PTPRO: variants seen among roughly 807,000 people sequenced by gnomAD.
PTPRO encodes the protein receptor-type tyrosine-protein phosphatase O.
PTPRO carries 62 observed loss-of-function variants against 145.2 expected under a neutral mutation model. The ratio of observed to expected loss-of-function variants is 0.43; its 90% CI spans 0.35 to 0.53. The LOEUF is 0.53. PTPRO is among the 20% of genes least tolerant of loss of function. The pLI is 0.01. For missense variants in PTPRO, 1,345 were observed against 1,482.7 expected, an observed-to-expected ratio of 0.91 and a Z score of 1.53; for synonymous variants, 565 against 514.7, an observed-to-expected ratio of 1.10 and a Z score of -1.32.
chr12:15,483,823 C>A, intron 1 of PTPRO, 151 bp from the exon 2 acceptor site: 1 of 742,802 alleles, frequency 1.3e-6, no homozygotes, highest in South Asian at 1.8e-5. Flanking sequence ...ACTAAAATAC[C>A]TATGTAACTC....
chr12:15,349,268 G>C (rs1348381870), intron 1 of PTPRO, among the ~76,000 whole-genome samples: 1 of 152,190 alleles, frequency 6.6e-6, no homozygotes, highest in Non-Finnish European at 1.5e-5. Context: ...CAATTGGCTA[G>C]ATGGGGGTAC....
chr12:15,499,710 T>C, intron 4 of PTPRO, 116 bp downstream of exon 4: 7 of 1,210,786 alleles, frequency 5.8e-6, no homozygotes, highest in Non-Finnish European at 7.1e-6. Context: ...AAAATATATA[T>C]GTTTAATAAC....
chr12:15,595,133 A>G (rs769396952), intron 26 of PTPRO, 76 bp downstream of exon 26: 325 of 929,844 alleles, frequency 3.5e-4, no homozygotes, highest in Non-Finnish European at 3.3e-4. Flanking sequence ...GGGACAAAAG[A>G]CAGCAGTAGC....
intron 1 of PTPRO, among the ~76,000 whole-genome samples, chr12:15,401,655 TA>T (rs1213554242): frequency 6.6e-6 from 1 of 152,200 alleles, no homozygotes; most frequent in African/African-American, 2.4e-5. Flanking sequence ...CACAGTATAT[TA>T]AAAATTGTTT....
At chr12:15,366,476 T>C (rs1938365677) in intron 1 of PTPRO, among the ~76,000 whole-genome samples, 1 of 152,180 alleles carries the variant, frequency 6.6e-6, no homozygotes, top group South Asian at 2.1e-4. Context: ...TTGAAAAGCA[T>C]AGTTCAAACT....
At chr12:15,579,055 T>G in intron 20 of PTPRO, 112 bp downstream of exon 20, 1 of 871,812 alleles carries the variant, frequency 1.1e-6, no homozygotes, top group South Asian at 1.4e-5. Flanking sequence ...GGTCCGGATC[T>G]CAAGGCCACG....
intron 1 of PTPRO, among the ~76,000 whole-genome samples, chr12:15,342,615 A>T (rs1867038856): frequency 6.6e-6 from 1 of 152,158 alleles, no homozygotes; most frequent in South Asian, 2.1e-4. Context: ...GAGCCCTCAC[A>T]GGTGTTGCTC....
rs1294979988 is a variant in PTPRO, at chr12:15,598,281, T to G, written c.*2208T>G. Among the ~76,000 whole-genome samples the G allele has an allele frequency of 6.6e-6, 1 of 152,228 alleles. No homozygotes were observed. Among genetic ancestry groups the G allele is most frequent in the African/African-American group, 2.4e-5 (1 of 41,448 alleles). On this transcript the variant is annotated 3_prime_UTR_variant, in exon 27 of 27. Transcript: ENST00000281171. ...AGACTTGTTTAATCCTGATAATGAC[T>G]TTGGAATTATCTCTCCTGGGTCTCA...
intron 1 of PTPRO, among the ~76,000 whole-genome samples, chr12:15,429,725 T>C (rs1272465965): frequency 6.6e-6 from 1 of 152,152 alleles, no homozygotes; most frequent in African/African-American, 2.4e-5. Context: ...TGACCTGTTT[T>C]ATACATTGAA....
At chr12:15,449,890 T>C (rs1941002108) in intron 1 of PTPRO, among the ~76,000 whole-genome samples, 2 of 152,198 alleles carry the variant, frequency 1.3e-5, no homozygotes, top group South Asian at 4.1e-4. Context: ...TAACAAACTT[T>C]TGTCATCATT....
chr12:15,517,112 C>A, intron 9 of PTPRO, 156 bp downstream of exon 9: 1 of 751,582 alleles, frequency 1.3e-6, no homozygotes, highest in Non-Finnish European at 2.3e-6. Context: ...AAGAAATAGC[C>A]AAGACTGAGC....
At chr12:15,408,501 C>T (rs1274544649) in intron 1 of PTPRO, among the ~76,000 whole-genome samples, 2 of 152,136 alleles carry the variant, frequency 1.3e-5, no homozygotes, top group Non-Finnish European at 2.9e-5. Context: ...TGATCTCCCT[C>T]ACTGCAAACT....
intron 1 of PTPRO, among the ~76,000 whole-genome samples, chr12:15,335,153 A>T (rs901177872): frequency 4.6e-5 from 7 of 152,164 alleles, no homozygotes; most frequent in Admixed American, 2.6e-4. Flanking sequence ...ACAAAGTATA[A>T]GCATCACACT....
chr12:15,567,343 C>G (rs1487606088), intron 18 of PTPRO, among the ~76,000 whole-genome samples: 1 of 152,144 alleles, frequency 6.6e-6, no homozygotes, highest in Non-Finnish European at 1.5e-5. Flanking sequence ...TTTTCTATCT[C>G]CACTTGTCTT....
At chr12:15,501,272 A>G (rs1429853121) in intron 4 of PTPRO, among the ~76,000 whole-genome samples, 1 of 52,834 alleles carries the variant, frequency 1.9e-5, no homozygotes, top group Non-Finnish European at 4.0e-5. Context: ...AAATCCAGGA[A>G]CAGAGATACA....
At chr12:15,578,412 G>T (rs1030298551) in intron 19 of PTPRO, among the ~76,000 whole-genome samples, 2 of 152,112 alleles carry the variant, frequency 1.3e-5, no homozygotes, top group African/African-American at 2.4e-5. Context: ...TGTTGTATTA[G>T]ATAGCTATTA....
intron 6 of PTPRO, among the ~76,000 whole-genome samples, chr12:15,507,758 C>T (rs1049238676): frequency 2.0e-5 from 3 of 152,218 alleles, no homozygotes; most frequent in African/African-American, 4.8e-5. Flanking sequence ...CCCAGTAGAG[C>T]GACTTGCTCC....
rs1942400240 is a variant in PTPRO at position 15,509,736 on chromosome 12, AC to A, written c.1464+971del. On this transcript the variant is annotated intron_variant, in intron 7 of 26. Coordinates refer to ENST00000281171, the MANE Select transcript of PTPRO (RefSeq NM_030667.3). Reference sequence around the variant, plus strand: ...ATATAAAGTAAAAAACTACCCCCTCACCAGTCACAACTGAAAAGAGCTTTGA... The same window carrying A: ...ATATAAAGTAAAAAACTACCCCCTCACAGTCACAACTGAAAAGAGCTTTGA... Among the ~76,000 whole-genome samples the A allele has an allele frequency of 2.0e-5, 3 of 152,082 alleles. No homozygotes were observed. The South Asian group carries it at 6.2e-4, about 32-fold the overall frequency.
chr12:15,416,247 C>T (rs1345205318), intron 1 of PTPRO, among the ~76,000 whole-genome samples: 2 of 151,452 alleles, frequency 1.3e-5, no homozygotes, highest in Admixed American at 1.3e-4. Context: ...TCATGAGTTT[C>T]AAGCCTAATG....
Sources: allele counts gnomAD v4.1 joint callset (sites outside exome capture counted in the v4.1 genomes callset), GRCh38; gene constraint gnomAD v4.1.1; transcripts MANE v1.5; gene names NCBI Gene and HGNC (gene_info 2026-07-23, HGNC 2026-07-21).